BLTP1: variants seen among roughly 807,000 people sequenced by gnomAD.
BLTP1 encodes bridge-like lipid transfer protein family member 1.
At chr4:122,304,933 A>C in the BLTP1 span, 1 of 1,613,934 alleles carries the variant, frequency 6.2e-7, no homozygotes, top group African/African-American at 1.3e-5. Context: ...ACTGTTTGGC[A>C]AATGCCAGGT....
At chr4:122,212,446 A>G in the BLTP1 span, among the ~76,000 whole-genome samples, 6 of 152,172 alleles carry the variant, frequency 3.9e-5, no homozygotes, top group African/African-American at 1.4e-4. Context: ...TTTTCAAGCT[A>G]TAGTCTTCCT....
At chr4:122,246,478 A>G in the BLTP1 span, 8 of 583,578 alleles carry the variant, frequency 1.4e-5, no homozygotes, top group Non-Finnish European at 1.7e-5. Context: ...TAAGCAGAAT[A>G]TTAGGTAATA....
At chr4:122,233,323 A>T in the BLTP1 span, among the ~76,000 whole-genome samples, 1 of 152,334 alleles carries the variant, frequency 6.6e-6, no homozygotes, top group East Asian at 1.9e-4. Context: ...GCCCACAATG[A>T]TCTTTAATTA....
the BLTP1 span, among the ~76,000 whole-genome samples, chr4:122,155,366 C>T: frequency 6.6e-6 from 1 of 151,366 alleles, no homozygotes; most frequent in African/African-American, 2.4e-5. Flanking sequence ...CTCTGCCTCC[C>T]AGGCTGGAGT....
At chr4:122,181,805 A>G in the BLTP1 span, among the ~76,000 whole-genome samples, 1 of 152,080 alleles carries the variant, frequency 6.6e-6, no homozygotes, top group African/African-American at 2.4e-5. Context: ...GTCATCCTCC[A>G]TACTAGAGAA....
At chr4:122,257,169 G>T in the BLTP1 span, 1 of 1,332,198 alleles carries the variant, frequency 7.5e-7, no homozygotes, top group Non-Finnish European at 1.0e-6. Flanking sequence ...AGTATTATGA[G>T]ATTTGAATAA....
the BLTP1 span, among the ~76,000 whole-genome samples, chr4:122,233,850 G>A: frequency 6.6e-6 from 1 of 151,886 alleles, no homozygotes; most frequent in Non-Finnish European, 1.5e-5. Flanking sequence ...CCTCTGTATT[G>A]TAAACTTCAT....
the BLTP1 span, chr4:122,189,976 G>T: frequency 1.3e-6 from 2 of 1,596,688 alleles, no homozygotes; most frequent in Non-Finnish European, 8.5e-7. Context: ...TGTTTAGTTT[G>T]CTTTCCCCTC....
At chr4:122,289,156 A>T in the BLTP1 span, 1 of 1,610,420 alleles carries the variant, frequency 6.2e-7, no homozygotes, top group African/African-American at 1.3e-5. Flanking sequence ...GAAAGTGTTC[A>T]TGAAGGAAGT....
the BLTP1 span, among the ~76,000 whole-genome samples, chr4:122,222,589 T>G: frequency 2.0e-5 from 3 of 152,092 alleles, no homozygotes; most frequent in East Asian, 5.8e-4. Context: ...TAGGGGAAGA[T>G]CCTTCCTTGC....
At chr4:122,162,796 T>C in the BLTP1 span, 1 of 324,554 alleles carries the variant, frequency 3.1e-6, no homozygotes, top group Non-Finnish European at 4.4e-6. Context: ...TTAAAATAAA[T>C]ATGAACTTGA....
chr4:122,241,759 T>C, the BLTP1 span, among the ~76,000 whole-genome samples: 1 of 152,342 alleles, frequency 6.6e-6, no homozygotes, highest in African/African-American at 2.4e-5. Flanking sequence ...TTTTAGTACA[T>C]GTGGAAATAT....
At chr4:122,163,344 C>G in the BLTP1 span, among the ~76,000 whole-genome samples, 1 of 152,164 alleles carries the variant, frequency 6.6e-6, no homozygotes, top group African/African-American at 2.4e-5. Flanking sequence ...GGAGTTATCC[C>G]AAACCAAGAG....
the BLTP1 span, among the ~76,000 whole-genome samples, chr4:122,283,570 G>T: frequency 3.8e-4 from 58 of 152,246 alleles, no homozygotes; most frequent in African/African-American, 1.3e-3. Context: ...GGAGGGCAGT[G>T]GCATGATCAC....
chr4:122,183,806 C>CT, the BLTP1 span, among the ~76,000 whole-genome samples: 2 of 143,868 alleles, frequency 1.4e-5, no homozygotes, highest in Non-Finnish European at 3.0e-5. Context: ...AATGGACCTT[C>CT]TTCTCTACTT....
chr4:122,239,825 A>C, the BLTP1 span: 1 of 1,614,194 alleles, frequency 6.2e-7, no homozygotes. Flanking sequence ...AGTATCGATC[A>C]ATGGATTCCA....
chr4:122,219,649 TAGAAAA>T, the BLTP1 span: 3 of 934,500 alleles, frequency 3.2e-6, no homozygotes, highest in Non-Finnish European at 4.9e-6. Flanking sequence ...AGCACACACT[TAGAAAA>T]AGAAAATCAG....
the BLTP1 span, chr4:122,207,515 T>TG: frequency 2.4e-6 from 1 of 411,520 alleles, no homozygotes; most frequent in African/African-American, 3.2e-5. Flanking sequence ...CTTTTTCTTC[T>TG]TTTTTTTTTT....
chr4:122,315,434 CA>C, the BLTP1 span: 1 of 1,613,286 alleles, frequency 6.2e-7, no homozygotes, highest in Non-Finnish European at 8.5e-7. Flanking sequence ...CAGGACTTAA[CA>C]AAAATGCAAC....
Sources: gnomAD v4.1 joint callset for allele counts (sites outside exome capture counted in the v4.1 genomes callset) on GRCh38, gnomAD v4.1.1 for gene constraint, MANE v1.5 for transcripts, NCBI Gene and HGNC (gene_info 2026-07-23, HGNC 2026-07-21) for gene names.